The following GPHN variants were observed in gnomAD, a reference collection of about 807,000 sequenced individuals.
GPHN encodes gephyrin.
GPHN carries 17 observed loss-of-function variants against 95.5 expected under a neutral mutation model. The observed-to-expected ratio is 0.18, with a 90% CI of 0.12 to 0.27. The LOEUF is 0.27. GPHN is among the 10% of genes least tolerant of loss of function. The pLI, the probability that GPHN is intolerant of heterozygous loss-of-function variation, is 1.00. For synonymous variants in GPHN, 320 were observed against 322.5 expected, an observed-to-expected ratio of 0.99 and a Z score of 0.08; for missense variants, 660 against 978.1, an observed-to-expected ratio of 0.67 and a Z score of 4.34.
intron 1 of GPHN, among the ~76,000 whole-genome samples, chr14:66,634,062 T>G (rs942863810): frequency 2.0e-5 from 3 of 152,062 alleles, no homozygotes; most frequent in African/African-American, 4.8e-5. Flanking sequence ...TTGTAGAGTT[T>G]CCTTAGGATC....
chr14:66,970,698 T>G (rs2069698461), intron 9 of GPHN, among the ~76,000 whole-genome samples: 1 of 152,166 alleles, frequency 6.6e-6, no homozygotes, highest in South Asian at 2.1e-4. Context: ...ATCAAGCTTC[T>G]TTGCTTTTGC....
chr14:67,150,554 G>A (rs1286075313), intron 18 of GPHN, among the ~76,000 whole-genome samples: 1 of 150,970 alleles, frequency 6.6e-6, no homozygotes, highest in Non-Finnish European at 1.5e-5. Flanking sequence ...TATTATATAG[G>A]AAAAATGTGA....
chr14:67,578,050 G>T, the GPHN span: 7 of 1,613,786 alleles, frequency 4.3e-6, no homozygotes, highest in Admixed American at 1.7e-5. This position sits in a 1 kb window ranked among gnomAD's most constrained non-coding sequence, Gnocchi z 5.0. Flanking sequence ...CAACGTGCCG[G>T]TGGAAGCTGC....
chr14:67,132,571 C>G (rs554081494), intron 17 of GPHN, among the ~76,000 whole-genome samples: 1 of 151,994 alleles, frequency 6.6e-6, no homozygotes, highest in Non-Finnish European at 1.5e-5. Context: ...AACATTCTTT[C>G]TACCTTAACA....
At chr14:67,201,440 C>T in the GPHN span, 1 of 456,110 alleles carries the variant, frequency 2.2e-6, no homozygotes. Flanking sequence ...GCCAGCTCCC[C>T]TCAGGGCCTC....
chr14:67,071,766 T>G (rs1207648630), intron 11 of GPHN, among the ~76,000 whole-genome samples: 1 of 152,054 alleles, frequency 6.6e-6, no homozygotes, highest in Admixed American at 6.5e-5. Flanking sequence ...TATATGTTCC[T>G]ATACATATTC....
chr14:66,709,737 A>G (rs1273298701), intron 2 of GPHN, among the ~76,000 whole-genome samples: 1 of 152,198 alleles, frequency 6.6e-6, no homozygotes, highest in East Asian at 1.9e-4. Flanking sequence ...GTCTTTCCTT[A>G]ATGAAGTCAC....
the GPHN span, among the ~76,000 whole-genome samples, chr14:67,378,777 G>A: frequency 6.6e-6 from 1 of 152,058 alleles, no homozygotes; most frequent in Non-Finnish European, 1.5e-5. Context: ...TTTAACTAAT[G>A]CTAGTTCTTT....
At chr14:66,747,441 TAAG>T (rs1437681210) in intron 2 of GPHN, among the ~76,000 whole-genome samples, 1 of 152,132 alleles carries the variant, frequency 6.6e-6, no homozygotes, top group Non-Finnish European at 1.5e-5. Flanking sequence ...AAGAACATCA[TAAG>T]AAGTTGACTA....
chr14:67,440,856 C>A, the GPHN span, among the ~76,000 whole-genome samples: 1 of 152,208 alleles, frequency 6.6e-6, no homozygotes, highest in South Asian at 2.1e-4. Flanking sequence ...CTAAGGCCTA[C>A]TTCCTCCATC....
intron 9 of GPHN, among the ~76,000 whole-genome samples, chr14:67,008,071 T>C (rs563566765): frequency 4.3e-4 from 65 of 152,298 alleles, no homozygotes; most frequent in African/African-American, 1.4e-3. Context: ...GGAATCATAC[T>C]ATGTCATTTG....
At chr14:67,497,637 C>T in the GPHN span, among the ~76,000 whole-genome samples, 8 of 152,144 alleles carry the variant, frequency 5.3e-5, no homozygotes, top group African/African-American at 1.7e-4. Context: ...TAAACACAGG[C>T]GGTTTTTGCA....
At chr14:67,476,042 G>A in the GPHN span, among the ~76,000 whole-genome samples, 3 of 152,220 alleles carry the variant, frequency 2.0e-5, no homozygotes, top group East Asian at 1.9e-4. Flanking sequence ...GAATGGGAAG[G>A]TAGGGCTTGA....
chr14:67,198,423 G>T, the GPHN span: 5 of 1,114,060 alleles, frequency 4.5e-6, no homozygotes, highest in Non-Finnish European at 6.5e-6. Context: ...TGTGCCGAGG[G>T]AATGTGTGAT....
At chr14:66,949,531 T>C (rs2067966800) in intron 8 of GPHN, among the ~76,000 whole-genome samples, 1 of 152,194 alleles carries the variant, frequency 6.6e-6, no homozygotes, top group Admixed American at 6.5e-5. Flanking sequence ...CATTTTGGAC[T>C]TGGCCACCAA....
intron 3 of GPHN, among the ~76,000 whole-genome samples, chr14:66,816,021 C>G (rs1566974875): frequency 6.6e-6 from 1 of 151,956 alleles, no homozygotes; most frequent in South Asian, 2.1e-4. Context: ...TACTTTCCGA[C>G]AAAACAGACT....
chr14:67,434,903 G>T, the GPHN span, among the ~76,000 whole-genome samples: 1 of 152,056 alleles, frequency 6.6e-6, no homozygotes, highest in African/African-American at 2.4e-5. Context: ...GTGGTGCAGG[G>T]CATCACATGC....
chr14:67,118,550 A>C, intron 16 of GPHN, among the ~76,000 whole-genome samples: 1 of 152,076 alleles, frequency 6.6e-6, no homozygotes, highest in African/African-American at 2.4e-5. Flanking sequence ...ACACGGTGAA[A>C]CCCCTACTCT....
chr14:67,425,322 G>A, the GPHN span, among the ~76,000 whole-genome samples: 55 of 152,276 alleles, frequency 3.6e-4, no homozygotes, highest in African/African-American at 1.3e-3. Context: ...AGGCCAAGGC[G>A]GGAGAATCAC....
Sources: allele counts gnomAD v4.1 joint callset (sites outside exome capture counted in the v4.1 genomes callset), GRCh38; gene constraint gnomAD v4.1.1; non-coding constraint Gnocchi (gnomAD v3.1); transcripts MANE v1.5; gene names NCBI Gene and HGNC (gene_info 2026-07-23, HGNC 2026-07-21).